Variants in UGT1A10 observed in about 807,000 individuals in gnomAD.
The protein encoded by UGT1A10 is UDP glucuronosyltransferase family 1 member A10.
Under a neutral mutation model 45.8 loss-of-function variants are expected in UGT1A10, and 49 were observed. The ratio of observed to expected loss-of-function variants is 1.07; its 90% confidence interval spans 0.85 to 1.36. The LOEUF is 1.36. UGT1A10 is among the 40% of genes most tolerant of loss of function. UGT1A10 has a pLI of 0.00. For missense variants in UGT1A10, 745 were observed against 668.6 expected (o/e 1.11, Z -1.26); for synonymous variants, 284 against 249.7 (o/e 1.14, Z -1.29).
At position 233,636,888 on chromosome 2, in the gene UGT1A10, G is replaced by T. The variant is rs767585841; in HGVS notation, c.366G>T (p.Ser122=). The change falls in exon 1 of 5, where the codon TCG becomes TCT. Residue 122 remains serine (S), a synonymous_variant. Transcript: ENST00000344644. ...GTGGTTTTCTTGACTTATTTTTTTC[G>T]CATTGCAGGAGTTTGTTTAATGACC... ...SSSGFLDLFF[S]HCRSLFNDRK... The T allele has an allele frequency of 1.5e-5, 24 of 1,613,596 alleles. No homozygotes were observed. The highest frequency in any genetic ancestry group is 1.7e-5 in the Non-Finnish European group (20 of 1,179,920).
rs777601918 is a variant in UGT1A10, at chr2:233,713,151, A to G, written c.856-53883A>G. ...GGAGGCCTTGCGGGACCTCCATGCGAGAGGCCACCAGGTGGTGGTCCTCAC... is the reference window on the plus strand; with the variant it reads ...GGAGGCCTTGCGGGACCTCCATGCGGGAGGCCACCAGGTGGTGGTCCTCAC... On this transcript the variant is annotated intron_variant, in intron 1 of 4. Coordinates refer to ENST00000344644, the MANE Select transcript of UGT1A10 (RefSeq NM_019075.4). 26 of 1,614,124 alleles carry G rather than the reference A, an allele frequency of 1.6e-5. No individual in the cohort carries two copies. Among genetic ancestry groups the G allele is most frequent in the Non-Finnish European group, 2.2e-5 (26 of 1,180,052 alleles).
chr2:233,749,182 C>G (rs1694137335), intron 1 of UGT1A10, among the ~76,000 whole-genome samples: 1 of 151,722 alleles, frequency 6.6e-6, no homozygotes, highest in Admixed American at 6.6e-5. Flanking sequence ...TTCTGTACTT[C>G]TTTTTATTAA....
rs542150234 is a variant in UGT1A10, at chr2:233,704,820, A to T, written c.856-62214A>T. ...ATTATATATATGTATATTGCTTTTT[A>T]GGATTGCTTTTAAAATCAGTTAAGA... On this transcript the variant is annotated intron_variant, in intron 1 of 4. Coordinates refer to ENST00000344644, the MANE Select transcript of UGT1A10 (RefSeq NM_019075.4). 2.6e-4 allele frequency among the ~76,000 whole-genome samples: 39 copies of T among 152,234 alleles called. 1 individual carries two copies. The South Asian group carries it at 8.1e-3, about 32-fold the overall frequency.
intron 1 of UGT1A10, among the ~76,000 whole-genome samples, chr2:233,689,511 A>T (rs1348253197): frequency 1.3e-5 from 2 of 152,244 alleles, no homozygotes; most frequent in Admixed American, 1.3e-4. Flanking sequence ...GAGGTTACAC[A>T]TTGGTTTGGT....
At chr2:233,747,332 A>T in intron 1 of UGT1A10, 1 of 1,603,532 alleles carries the variant, frequency 6.2e-7, no homozygotes, top group Non-Finnish European at 8.5e-7. Flanking sequence ...GATGGCAGCC[A>T]CTGGCTCGCA....
chr2:233,655,679 C>G (rs1252533106), intron 1 of UGT1A10, among the ~76,000 whole-genome samples: 1 of 152,198 alleles, frequency 6.6e-6, no homozygotes, highest in African/African-American at 2.4e-5. Flanking sequence ...CTGTCCTGGT[C>G]TCCCTGAAGC....
At chr2:233,689,068 A>G (rs2074925426) in intron 1 of UGT1A10, among the ~76,000 whole-genome samples, 1 of 152,202 alleles carries the variant, frequency 6.6e-6, no homozygotes, top group African/African-American at 2.4e-5. Flanking sequence ...TCCCTTTGTC[A>G]TGGCTTAACT....
intron 1 of UGT1A10, among the ~76,000 whole-genome samples, chr2:233,666,684 A>G (rs906746986): frequency 1.3e-5 from 2 of 151,880 alleles, no homozygotes; most frequent in Non-Finnish European, 1.5e-5. Context: ...GTTTTAGAGT[A>G]CATGTGCACA....
intron 1 of UGT1A10, chr2:233,693,203 T>C (rs763106446): frequency 6.2e-7 from 1 of 1,614,132 alleles, no homozygotes; most frequent in South Asian, 1.1e-5. Flanking sequence ...TAATTTGCTT[T>C]TGAAAGAATC....
At chr2:233,705,262 T>C (rs2075837578) in intron 1 of UGT1A10, among the ~76,000 whole-genome samples, 1 of 152,150 alleles carries the variant, frequency 6.6e-6, no homozygotes, top group Admixed American at 6.5e-5. Flanking sequence ...TTCTATGGGG[T>C]CACTTGCTTT....
chr2:233,682,819 A>G (rs773096125), intron 1 of UGT1A10: 27 of 1,578,360 alleles, frequency 1.7e-5, no homozygotes, highest in African/African-American at 4.1e-5. Flanking sequence ...TTAGCACATT[A>G]AGAATAATCT....
At chr2:233,705,343 T>A (rs2075842379) in intron 1 of UGT1A10, among the ~76,000 whole-genome samples, 1 of 152,224 alleles carries the variant, frequency 6.6e-6, no homozygotes, top group South Asian at 2.1e-4. Flanking sequence ...TCAATTTTTG[T>A]CTTATTACAT....
intron 1 of UGT1A10, chr2:233,747,911 C>T (rs1693810314): frequency 6.2e-7 from 1 of 1,613,510 alleles, no homozygotes; most frequent in East Asian, 2.2e-5. Flanking sequence ...CTTATGCAAG[C>T]CTTGCCTCTG....
chr2:233,706,156 T>G (rs1363700442), intron 1 of UGT1A10, among the ~76,000 whole-genome samples: 1 of 152,112 alleles, frequency 6.6e-6, no homozygotes, highest in Non-Finnish European at 1.5e-5. Flanking sequence ...ATGAGAACCT[T>G]CTAAATGTGG....
At chr2:233,746,880 G>A (rs561454270) in intron 1 of UGT1A10, among the ~76,000 whole-genome samples, 1 of 151,926 alleles carries the variant, frequency 6.6e-6, no homozygotes, top group South Asian at 2.1e-4. Flanking sequence ...GTGGTTAACA[G>A]AGAAGTAGGA....
At chr2:233,747,128 C>G (rs1346138562) in intron 1 of UGT1A10, 1 of 1,515,314 alleles carries the variant, frequency 6.6e-7, no homozygotes, top group Non-Finnish European at 8.9e-7. Context: ...CTAAGTGGCT[C>G]AGTGACAAGG....
At chr2:233,721,760 T>C in intron 1 of UGT1A10, 1 of 468,990 alleles carries the variant, frequency 2.1e-6, no homozygotes, top group South Asian at 1.6e-5. Context: ...ACATCTAAAT[T>C]GTTATATTTA....
chr2:233,665,571 G>C (rs531415960), intron 1 of UGT1A10, among the ~76,000 whole-genome samples: 2 of 152,326 alleles, frequency 1.3e-5, no homozygotes, highest in African/African-American at 4.8e-5. Context: ...CTGCAGGAAA[G>C]GCAAGGTAGG....
chr2:233,726,610 C>T (rs1191468440), intron 1 of UGT1A10, among the ~76,000 whole-genome samples: 1 of 152,148 alleles, frequency 6.6e-6, no homozygotes, highest in Non-Finnish European at 1.5e-5. Context: ...TTACACTGTC[C>T]TGCCCAGATA....
Sources: gnomAD v4.1 joint callset for allele counts (sites outside exome capture counted in the v4.1 genomes callset) on GRCh38, gnomAD v4.1.1 for gene constraint, MANE v1.5 for transcripts, NCBI Gene and HGNC (gene_info 2026-07-23, HGNC 2026-07-21) for gene names.